CNOT9: variants seen among roughly 807,000 people sequenced by gnomAD.
CNOT9 encodes CCR4-NOT transcription complex subunit 9, also known as RCD1 required for cell differentiation1 homolog.
CNOT9 carries 8 observed loss-of-function variants against 37.4 expected under a neutral mutation model. The ratio of observed to expected loss-of-function variants is 0.21; its 90% CI spans 0.13 to 0.39. The LOEUF (loss-of-function observed/expected upper bound fraction) is 0.39. Among genes scored for constraint, CNOT9 ranks in the 10% least tolerant of loss-of-function variants. The probability of loss-of-function intolerance (pLI) is 1.00; values close to 1 mark genes in which losing one functional copy is unlikely to be tolerated. For missense variants in CNOT9, 154 were observed against 365.3 expected (o/e 0.42, Z 4.71); for synonymous variants, 120 against 137.6 (o/e 0.87, Z 0.90).
Position 218,592,880 on chromosome 2 carries a change from T to A in CNOT9, c.731+173T>A. 1 of 603,622 alleles carries A rather than the reference T, an allele frequency of 1.7e-6. No homozygotes were observed. The highest frequency in any genetic ancestry group is 2.9e-6 in the Non-Finnish European group (1 of 342,828). 37.4% of individuals were successfully genotyped at this position (603,622 alleles called of 1,614,324 possible). On this transcript the variant is annotated intron_variant, in intron 7 of 7. Transcript: ENST00000273064. This position sits in a 1 kb window ranked among gnomAD's most constrained non-coding sequence, Gnocchi z 4.1. Reference sequence around the variant, plus strand: ...AAAAATCTGAAATGCTGAATTTTAGTAGCCATCAGTTTCATCTTCTCACTG... The same window carrying A: ...AAAAATCTGAAATGCTGAATTTTAGAAGCCATCAGTTTCATCTTCTCACTG...
At chr2:218,575,375 CTTTTCTT>C (rs1287267164) in intron 1 of CNOT9, among the ~76,000 whole-genome samples, 1 of 139,238 alleles carries the variant, frequency 7.2e-6, no homozygotes, top group Non-Finnish European at 1.6e-5. Context: ...TTTCTTTTTT[CTTTTCTT>C]TTTTCTTTTT....
chr2:218,593,650 C>A, intron 7 of CNOT9: 2 of 1,337,440 alleles, frequency 1.5e-6, no homozygotes, highest in South Asian at 2.0e-5. Context: ...AGGTTTTTAA[C>A]CATAAAACTG....
intron 1 of CNOT9, among the ~76,000 whole-genome samples, chr2:218,569,784 C>G (rs758473306): frequency 6.6e-6 from 1 of 152,172 alleles, no homozygotes; most frequent in African/African-American, 2.4e-5. Flanking sequence ...ATCCCTCCTC[C>G]TTTACATACA....
intron 1 of CNOT9, among the ~76,000 whole-genome samples, chr2:218,579,163 A>G (rs1006950642): frequency 2.0e-5 from 3 of 152,228 alleles, no homozygotes; most frequent in African/African-American, 4.8e-5. Flanking sequence ...AGTTTATGCA[A>G]AAGGTTTTAG....
intron 5 of CNOT9, among the ~76,000 whole-genome samples, chr2:218,589,889 A>G (rs983679561): frequency 2.0e-5 from 3 of 152,208 alleles, no homozygotes; most frequent in Non-Finnish European, 2.9e-5. Flanking sequence ...AGCCAGACAC[A>G]TGGGAATTCA....
At position 218,580,773 on chromosome 2, in the gene CNOT9, C is replaced by A. The variant is rs374453349; in HGVS notation, c.204+33C>A. On this transcript the variant is annotated intron_variant, in intron 2 of 7. Coordinates refer to ENST00000273064, the MANE Select transcript of CNOT9 (RefSeq NM_005444.3). ...CATGTCCATGATTGGCAGTTCAGTTCTTTTCATTACACTTGTATATTTCTT... is the reference window on the plus strand; with the variant it reads ...CATGTCCATGATTGGCAGTTCAGTTATTTTCATTACACTTGTATATTTCTT... 3.2e-6 allele frequency: 5 copies of A among 1,565,606 alleles called. No homozygotes were observed. The African/African-American group carries it at 6.8e-5, about 21-fold the overall frequency.
At chr2:218,580,810 A>G in intron 2 of CNOT9, 70 bp downstream of exon 2, 1 of 1,389,712 alleles carries the variant, frequency 7.2e-7, no homozygotes. Context: ...ACCTTTGCCC[A>G]AATGATTTGA....
At chr2:218,572,759 C>T in intron 1 of CNOT9, 1 of 854,836 alleles carries the variant, frequency 1.2e-6, no homozygotes, top group Non-Finnish European at 1.4e-6. Context: ...TAATTTCCCA[C>T]TGATTTCCAC....
At chr2:218,593,463 T>G in intron 7 of CNOT9, 4 of 999,532 alleles carry the variant, frequency 4.0e-6, no homozygotes, top group Non-Finnish European at 4.2e-6. Flanking sequence ...AAAACTAGTC[T>G]GAGTGCAAAA....
At chr2:218,576,601 A>G (rs563026473) in intron 1 of CNOT9, among the ~76,000 whole-genome samples, 2 of 152,314 alleles carry the variant, frequency 1.3e-5, no homozygotes. Flanking sequence ...TACCACCAAT[A>G]ACATTTTACT....
Position 218,596,034 on chromosome 2 carries a change from T to C in CNOT9, c.*1758T>C, listed in dbSNP as rs1051734629. 6.6e-6 allele frequency: 1 copy of C among 152,130 alleles called. No homozygotes were observed. Among genetic ancestry groups the C allele is most frequent in the African/African-American group, 2.4e-5 (1 of 41,424 alleles). 9.4% of individuals were successfully genotyped at this position (152,130 alleles called of 1,614,324 possible). On this transcript the variant is annotated 3_prime_UTR_variant, in exon 8 of 8. Transcript: ENST00000273064. ...GAATGGACTGGATAGACATCTTGAC[T>C]CTATTCAGCCCGTAGTCTGTGATCT...
intron 1 of CNOT9, among the ~76,000 whole-genome samples, chr2:218,576,113 C>T (rs769153507): frequency 4.5e-4 from 68 of 152,120 alleles, no homozygotes; most frequent in Admixed American, 2.0e-4. Flanking sequence ...CCTCACCTGC[C>T]GTACCCCTTC....
At chr2:218,575,995 C>T (rs564529087) in intron 1 of CNOT9, among the ~76,000 whole-genome samples, 7 of 152,294 alleles carry the variant, frequency 4.6e-5, no homozygotes, top group African/African-American at 1.4e-4. Flanking sequence ...TGCCTGTTGT[C>T]TGCCCATGGT....
intron 1 of CNOT9, among the ~76,000 whole-genome samples, chr2:218,571,967 TCTC>T (rs1043719733): frequency 2.0e-5 from 3 of 152,030 alleles, no homozygotes; most frequent in Admixed American, 6.6e-5. Flanking sequence ...TTCTTTTTTC[TCTC>T]CTCTAATAAA....
In CNOT9 at chr2:218,594,422, C is replaced by T; in HGVS notation, c.*146C>T. 1.1e-6 allele frequency: 1 copy of T among 912,134 alleles called. No individual in the cohort carries two copies. The highest frequency in any genetic ancestry group is 1.6e-6 in the Non-Finnish European group (1 of 617,182). 56.5% of individuals were successfully genotyped at this position (912,134 alleles called of 1,614,324 possible). Reference sequence around the variant, plus strand: ...GGAGAAAAGGGGCAAGGTACCCCTGCTGAGGTGTATGGGCTGCCATCTCAG... The same window carrying T: ...GGAGAAAAGGGGCAAGGTACCCCTGTTGAGGTGTATGGGCTGCCATCTCAG... On this transcript the variant is annotated 3_prime_UTR_variant, in exon 8 of 8. Coordinates refer to ENST00000273064, the MANE Select transcript of CNOT9 (RefSeq NM_005444.3).
chr2:218,571,879 C>T (rs925951669), intron 1 of CNOT9, among the ~76,000 whole-genome samples: 1 of 151,596 alleles, frequency 6.6e-6, no homozygotes, highest in Non-Finnish European at 1.5e-5. Context: ...CCACTGCGCC[C>T]GACCTTGCTG....
chr2:218,592,474 G>C lies in CNOT9; in HGVS notation c.639+72G>C, dbSNP rs189879722. 2.2e-5 allele frequency: 33 copies of C among 1,485,924 alleles called. No homozygotes were observed. In the East Asian group the frequency reaches 6.8e-4, roughly 31 times the overall value. 92.0% of individuals were successfully genotyped at this position (1,485,924 alleles called of 1,614,324 possible). A position where few individuals can be genotyped will look rare whatever the true frequency, so the allele number is the denominator to read the frequency against. ...GCTTAATCTCTTTATAACTGGCATT[G>C]AACAACTTCAGTCCTCTGACTAGAA... On this transcript the variant is annotated intron_variant, in intron 6 of 7. Coordinates refer to ENST00000273064, the MANE Select transcript of CNOT9 (RefSeq NM_005444.3). This position sits in a 1 kb window ranked among gnomAD's most constrained non-coding sequence, Gnocchi z 4.1.
chr2:218,594,281 TC>T lies in CNOT9; in HGVS notation c.*8del, dbSNP rs1334615619. ...ATCCCCCTGCCCCCTCAGTGATCCT[TC>T]CCTGTTCCCTCCCACTACTCCCCCA... On this transcript the variant is annotated 3_prime_UTR_variant, in exon 8 of 8. Coordinates refer to ENST00000273064, the MANE Select transcript of CNOT9 (RefSeq NM_005444.3). The T allele has an allele frequency of 4.4e-6, 7 of 1,600,492 alleles. No individual in the cohort carries two copies. Among genetic ancestry groups the T allele is most frequent in the Non-Finnish European group, 6.0e-6 (7 of 1,172,890 alleles).
chr2:218,570,204 C>T (rs182580415), intron 1 of CNOT9, among the ~76,000 whole-genome samples: 38 of 152,322 alleles, frequency 2.5e-4, no homozygotes, highest in Admixed American at 9.8e-4. Flanking sequence ...GCATACCTGC[C>T]TGAAGACCAA....
Sources: gnomAD v4.1 joint callset for allele counts (sites outside exome capture counted in the v4.1 genomes callset) on GRCh38, gnomAD v4.1.1 for gene constraint, Gnocchi (gnomAD v3.1) non-coding constraint, MANE v1.5 for transcripts, NCBI Gene and HGNC (gene_info 2026-07-23, HGNC 2026-07-21) for gene names.